Variants in CDH18 observed in about 807,000 individuals in gnomAD.
CDH18 encodes cadherin 18.
In CDH18, 31 loss-of-function variants were observed where a neutral mutation model predicts 67.9. That is an observed-to-expected ratio of 0.46 (90% CI 0.34 to 0.62). CDH18 has a LOEUF of 0.62. Ranked by LOEUF, CDH18 falls within the 20% of genes least tolerant of loss-of-function variation. The pLI is 0.01. For synonymous variants in CDH18, 362 were observed against 347.2 expected (o/e 1.04, Z -0.48); for missense variants, 890 against 975.5 (o/e 0.91, Z 1.17).
chr5:19,999,327 G>T (rs116099851), intron 2 of CDH18, among the ~76,000 whole-genome samples: 2,198 of 152,124 alleles, frequency 0.014, 58 homozygotes, highest in African/African-American at 0.05. Flanking sequence ...CAACCGGGCA[G>T]GGTGACTCAC....
At position 19,734,471 on chromosome 5, in the gene CDH18, T is replaced by C. The variant is rs1044263517; in HGVS notation, c.523+12471A>G. ...TGGAAGTTAATTTCTGCTTAATTCT[T>C]GTGTCACAATATTCCTTTTTTGAGC... On this transcript the variant is annotated intron_variant, in intron 4 of 12. Transcript: ENST00000382275. Among the ~76,000 whole-genome samples, 16 of 152,332 alleles carry C rather than the reference T, an allele frequency of 1.1e-4. No homozygotes were observed. In the East Asian group the frequency reaches 3.1e-3, roughly 29 times the overall value.
chr5:20,422,674 G>A (rs188181430), intron 1 of CDH18, among the ~76,000 whole-genome samples: 2 of 151,140 alleles, frequency 1.3e-5, no homozygotes, highest in Admixed American at 6.6e-5. Flanking sequence ...TTATGCTAAA[G>A]TTTAATGATA....
chr5:20,280,929 G>A (rs1746210920), intron 1 of CDH18, among the ~76,000 whole-genome samples: 1 of 152,112 alleles, frequency 6.6e-6, no homozygotes, highest in Non-Finnish European at 1.5e-5. Flanking sequence ...ATCTCATTGT[G>A]GTTTTGATTT....
At chr5:20,323,776 A>G (rs1025551378) in intron 1 of CDH18, among the ~76,000 whole-genome samples, 1 of 152,200 alleles carries the variant, frequency 6.6e-6, no homozygotes, top group African/African-American at 2.4e-5. Context: ...TGTTCTGAAC[A>G]TGTTTTGTTG....
intron 2 of CDH18, among the ~76,000 whole-genome samples, chr5:20,136,074 T>C (rs1338564053): frequency 6.6e-6 from 1 of 152,170 alleles, no homozygotes; most frequent in Non-Finnish European, 1.5e-5. Context: ...TTCTGTTGAT[T>C]TGGGGTGGAG....
intron 2 of CDH18, among the ~76,000 whole-genome samples, chr5:19,843,800 T>C (rs1782614437): frequency 6.6e-6 from 1 of 152,212 alleles, no homozygotes; most frequent in African/African-American, 2.4e-5. Flanking sequence ...TGCATCTGTG[T>C]GCCCTGCATG....
chr5:19,923,479 T>C (rs1792737402), intron 2 of CDH18, among the ~76,000 whole-genome samples: 1 of 152,206 alleles, frequency 6.6e-6, no homozygotes, highest in African/African-American at 2.4e-5. Flanking sequence ...CTAACTATCT[T>C]TGTCATTTAC....
At chr5:20,231,698 G>T (rs1046548904) in intron 2 of CDH18, among the ~76,000 whole-genome samples, 10 of 152,026 alleles carry the variant, frequency 6.6e-5, no homozygotes, top group Admixed American at 2.0e-4. Context: ...TTGAAATAAG[G>T]TCTAGAGACA....
rs1791625611 is a variant in CDH18 at position 19,915,221 on chromosome 5, ACTC to A, written c.-257+65836_-257+65838del. On this transcript the variant is annotated intron_variant, in intron 2 of 12. Transcript: ENST00000382275. ...TTGAAAGACAGTGCTGTCTTCCACT[ACTC>A]CTTCCCAGTTCGTTTCTCAGTTGTC... Among the ~76,000 whole-genome samples, 2 of 151,760 alleles carry A rather than the reference ACTC, an allele frequency of 1.3e-5. 1 individual carries two copies. Among genetic ancestry groups the A allele is most frequent in the South Asian group, 4.2e-4 (2 of 4,810 alleles).
At chr5:20,260,957 G>A (rs758612958) in intron 1 of CDH18, among the ~76,000 whole-genome samples, 10 of 152,154 alleles carry the variant, frequency 6.6e-5, no homozygotes, top group Non-Finnish European at 1.0e-4. Context: ...ACATGGTTTA[G>A]CCTTGTGATA....
At chr5:19,637,411 C>T (rs1456019122) in intron 5 of CDH18, among the ~76,000 whole-genome samples, 1 of 152,060 alleles carries the variant, frequency 6.6e-6, no homozygotes, top group African/African-American at 2.4e-5. Flanking sequence ...TGTTCTGGTC[C>T]CTACACTACT....
intron 2 of CDH18, among the ~76,000 whole-genome samples, chr5:20,171,423 G>C (rs189517942): frequency 6.6e-6 from 1 of 151,886 alleles, no homozygotes; most frequent in East Asian, 1.9e-4. Context: ...ATGAAATATG[G>C]TACTTCATTG....
intron 4 of CDH18, among the ~76,000 whole-genome samples, chr5:19,724,393 G>A (rs1766522890): frequency 6.6e-6 from 1 of 152,106 alleles, no homozygotes; most frequent in Non-Finnish European, 1.5e-5. Flanking sequence ...GTATAGCAGG[G>A]AAGCATAAGG....
At chr5:20,052,226 T>A (rs1401368001) in intron 2 of CDH18, among the ~76,000 whole-genome samples, 1 of 152,026 alleles carries the variant, frequency 6.6e-6, no homozygotes, top group Non-Finnish European at 1.5e-5. Context: ...GACTTCAAAG[T>A]TTTACCTGGA....
At chr5:19,718,065 C>T (rs989121191) in intron 5 of CDH18, among the ~76,000 whole-genome samples, 1 of 151,920 alleles carries the variant, frequency 6.6e-6, no homozygotes, top group Non-Finnish European at 1.5e-5. Context: ...TAATTTAATT[C>T]TGTATCACAT....
At chr5:19,982,262 C>T (rs1382026814) in intron 1 of CDH18, among the ~76,000 whole-genome samples, 4 of 152,030 alleles carry the variant, frequency 2.6e-5, no homozygotes, top group African/African-American at 9.7e-5. Context: ...GAAAAATTCA[C>T]TACAACCAAA....
At position 19,666,043 on chromosome 5, in the gene CDH18, G is replaced by A. The variant is rs527449090; in HGVS notation, c.644-53442C>T. Among the ~76,000 whole-genome samples, 4 of 151,754 alleles carry A rather than the reference G, an allele frequency of 2.6e-5. 1 individual carries two copies. In the South Asian group the frequency reaches 8.3e-4, roughly 32 times the overall value. On this transcript the variant is annotated intron_variant, in intron 5 of 12. Transcript: ENST00000382275. The stretch of plus-strand genomic sequence containing the variant: ...TTAGCAGGACTAGAACAAGACACAA[G>A]TATTATTCATCAGTATTTTACAGAA...
intron 2 of CDH18, among the ~76,000 whole-genome samples, chr5:20,155,972 T>C (rs190832137): frequency 2.6e-5 from 4 of 152,176 alleles, no homozygotes; most frequent in Non-Finnish European, 5.9e-5. Context: ...CCAAAAAGCA[T>C]ATGAAAAAAT....
chr5:20,092,468 T>C (rs890428506), intron 2 of CDH18, among the ~76,000 whole-genome samples: 3 of 152,192 alleles, frequency 2.0e-5, no homozygotes, highest in Non-Finnish European at 2.9e-5. Context: ...GTTTTGAATT[T>C]GGAAATAGTC....
Sources: gnomAD v4.1 joint callset for allele counts (sites outside exome capture counted in the v4.1 genomes callset) on GRCh38, gnomAD v4.1.1 for gene constraint, MANE v1.5 for transcripts, NCBI Gene and HGNC (gene_info 2026-07-23, HGNC 2026-07-21) for gene names.